Variants in PEBP4 observed in about 807,000 individuals in gnomAD.
The protein encoded by PEBP4 is phosphatidylethanolamine-binding protein 4.
Under a neutral mutation model 23.9 loss-of-function variants are expected in PEBP4, and 22 were observed. The observed-to-expected ratio is 0.92, with a 90% confidence interval of 0.66 to 1.31. The LOEUF (loss-of-function observed/expected upper bound fraction) is 1.31. Among genes scored for constraint, PEBP4 ranks in the 40% most tolerant of loss-of-function variants. The pLI, the probability that PEBP4 is intolerant of heterozygous loss-of-function variation, is 0.00. For missense variants in PEBP4, 324 were observed against 281.7 expected, an observed-to-expected ratio of 1.15 and a Z score of -1.07; for synonymous variants, 112 against 99.3, an observed-to-expected ratio of 1.13 and a Z score of -0.76.
intron 3 of PEBP4, among the ~76,000 whole-genome samples, chr8:22,906,142 C>T (rs1214966217): frequency 2.0e-5 from 3 of 152,088 alleles, no homozygotes; most frequent in South Asian, 4.2e-4. Context: ...CCTACCCCCA[C>T]CCCTCACTCT....
intron 4 of PEBP4, among the ~76,000 whole-genome samples, chr8:22,813,281 C>T (rs1806672021): frequency 6.6e-6 from 1 of 152,256 alleles, no homozygotes; most frequent in Admixed American, 6.5e-5. Context: ...TTGCCAATTT[C>T]CTTTTCTTTC....
At chr8:22,805,230 C>T (rs1806471302) in intron 4 of PEBP4, among the ~76,000 whole-genome samples, 1 of 152,202 alleles carries the variant, frequency 6.6e-6, no homozygotes, top group Non-Finnish European at 1.5e-5. Context: ...TTTGTCCAAA[C>T]CTATACAACA....
intron 4 of PEBP4, among the ~76,000 whole-genome samples, chr8:22,758,793 G>A (rs773678346): frequency 5.9e-5 from 9 of 152,196 alleles, no homozygotes; most frequent in East Asian, 1.9e-4. Flanking sequence ...CACCCTGTCC[G>A]CAGTATGGTG....
At chr8:22,791,867 T>A (rs1371538947) in intron 4 of PEBP4, among the ~76,000 whole-genome samples, 1 of 152,120 alleles carries the variant, frequency 6.6e-6, no homozygotes, top group Non-Finnish European at 1.5e-5. Context: ...TGGATTCTTT[T>A]TTTTTTTTAG....
chr8:22,886,035 C>T (rs943605579), intron 3 of PEBP4: 3 of 152,216 alleles, frequency 2.0e-5, no homozygotes, highest in African/African-American at 7.2e-5. Flanking sequence ...CCTGTTGATT[C>T]ATTTATTCAC....
intron 3 of PEBP4, among the ~76,000 whole-genome samples, chr8:22,832,454 T>C (rs1284441622): frequency 6.6e-6 from 1 of 152,158 alleles, no homozygotes; most frequent in Non-Finnish European, 1.5e-5. Flanking sequence ...GTCTTGGACT[T>C]CCCAGCCCCT....
At chr8:22,841,865 C>T (rs1233260569) in intron 3 of PEBP4, among the ~76,000 whole-genome samples, 1 of 152,232 alleles carries the variant, frequency 6.6e-6, no homozygotes, top group Non-Finnish European at 1.5e-5. Context: ...TGGTGCACTG[C>T]CTTCGCAGAG....
Position 22,713,418 on chromosome 8 carries a change from C to T in PEBP4, c.636G>A (p.Arg212=). ...DSPTLQAPRE[R]ASEPKHKNQA... ...GGTTTTTGTGCTTGGGCTCGCTGGC[C>T]CTTTCTCTGGGAGCCTGGAGGGTTG... The change falls in exon 7 of 7, where the codon AGG becomes AGA. Residue 212 remains arginine, a synonymous_variant. Coordinates refer to ENST00000256404, the MANE Select transcript of PEBP4 (RefSeq NM_144962.3). The T allele has an allele frequency of 3.1e-6, 5 of 1,611,676 alleles. No individual in the cohort carries two copies. Among genetic ancestry groups the T allele is most frequent in the South Asian group, 1.1e-5 (1 of 90,906 alleles).
chr8:22,747,604 G>C (rs572082050), intron 4 of PEBP4: 1 of 152,146 alleles, frequency 6.6e-6, no homozygotes, highest in Non-Finnish European at 1.5e-5. Flanking sequence ...GCACGCTCAG[G>C]GGGGTGGGGG....
chr8:22,774,144 G>A (rs1805770160), intron 4 of PEBP4, among the ~76,000 whole-genome samples: 1 of 152,238 alleles, frequency 6.6e-6, no homozygotes, highest in South Asian at 2.1e-4. Flanking sequence ...GCTCCTGAAG[G>A]AAGGAGGCCA....
At chr8:22,740,893 C>A (rs1804976029) in intron 4 of PEBP4, among the ~76,000 whole-genome samples, 1 of 152,152 alleles carries the variant, frequency 6.6e-6, no homozygotes, top group African/African-American at 2.4e-5. Flanking sequence ...CCTTGAAGTT[C>A]CTGGGGAGAA....
intron 2 of PEBP4, among the ~76,000 whole-genome samples, chr8:22,921,880 G>A (rs1326713425): frequency 1.3e-5 from 2 of 152,212 alleles, no homozygotes; most frequent in East Asian, 1.9e-4. Flanking sequence ...AGGCAGAGAG[G>A]GGACCCACCA....
intron 4 of PEBP4, among the ~76,000 whole-genome samples, chr8:22,758,462 C>T (rs1319010691): frequency 6.6e-6 from 1 of 152,196 alleles, no homozygotes; most frequent in Non-Finnish European, 1.5e-5. Context: ...CTCACAGGCC[C>T]TACAAAAATA....
intron 4 of PEBP4, among the ~76,000 whole-genome samples, chr8:22,730,033 C>T (rs547634665): frequency 5.8e-4 from 89 of 152,258 alleles, no homozygotes; most frequent in African/African-American, 2.1e-3. Flanking sequence ...CCTTAGACCC[C>T]AGGCCCTTCG....
intron 3 of PEBP4, chr8:22,887,339 G>A (rs1285404686): frequency 6.6e-6 from 1 of 151,836 alleles, no homozygotes; most frequent in Admixed American, 6.6e-5. Flanking sequence ...AGTAGAGATG[G>A]CGTTTCACCA....
intron 4 of PEBP4, among the ~76,000 whole-genome samples, chr8:22,808,075 C>T (rs1006455482): frequency 6.6e-6 from 1 of 152,146 alleles, no homozygotes; most frequent in African/African-American, 2.4e-5. Flanking sequence ...ATCCATCCAC[C>T]TATCCAACCT....
intron 3 of PEBP4, among the ~76,000 whole-genome samples, chr8:22,878,787 A>G (rs1319528153): frequency 6.6e-6 from 1 of 152,226 alleles, no homozygotes; most frequent in Non-Finnish European, 1.5e-5. Flanking sequence ...GCTGGATGCC[A>G]AGGGGAAAAT....
At chr8:22,927,793 C>A in intron 1 of PEBP4, 30 bp downstream of exon 1, 2 of 1,571,568 alleles carry the variant, frequency 1.3e-6, no homozygotes, top group South Asian at 2.3e-5. Flanking sequence ...GTGCCCCCGA[C>A]CCCAGGGGCC....
intron 3 of PEBP4, among the ~76,000 whole-genome samples, chr8:22,871,149 G>A (rs1807999227): frequency 6.6e-6 from 1 of 152,194 alleles, no homozygotes; most frequent in African/African-American, 2.4e-5. Flanking sequence ...GGAAAAAGAA[G>A]CAGGAAGAGC....
Sources: gnomAD v4.1 joint callset for allele counts (sites outside exome capture counted in the v4.1 genomes callset) on GRCh38, gnomAD v4.1.1 for gene constraint, MANE v1.5 for transcripts, NCBI Gene and HGNC (gene_info 2026-07-23, HGNC 2026-07-21) for gene names.